FREM1: variants seen among roughly 807,000 people sequenced by gnomAD.
The protein encoded by FREM1 is FRAS1 related extracellular matrix 1, also known as FRAS1-related extracellular matrix protein 1.
Under a neutral mutation model 210.1 loss-of-function variants are expected in FREM1, and 220 were observed. The ratio of observed to expected loss-of-function variants is 1.05; its 90% CI spans 0.94 to 1.17. FREM1 has a LOEUF of 1.17. FREM1 is among the 50% of genes most tolerant of loss of function. The probability of loss-of-function intolerance (pLI) is 0.00; values close to 1 mark genes in which losing one functional copy is unlikely to be tolerated. For missense variants in FREM1, 3,454 were observed against 2,675.5 expected (o/e 1.29, Z -6.42); for synonymous variants, 1,189 against 980.2 (o/e 1.21, Z -3.98).
intron 1 of FREM1, among the ~76,000 whole-genome samples, chr9:14,897,294 T>G (rs1244424621): frequency 1.3e-5 from 2 of 152,206 alleles, no homozygotes; most frequent in Non-Finnish European, 2.9e-5. Context: ...ATAATTTGTC[T>G]AAGGCAAATT....
intron 10 of FREM1, among the ~76,000 whole-genome samples, chr9:14,829,178 G>A (rs1823072429): frequency 6.6e-6 from 1 of 152,168 alleles, no homozygotes; most frequent in African/African-American, 2.4e-5. Flanking sequence ...TGTCCTGTTT[G>A]AGATTTTAAG....
intron 13 of FREM1, 39 bp from the exon 14 acceptor site, chr9:14,819,481 TCCATGACC>T: frequency 7.6e-7 from 1 of 1,310,796 alleles, no homozygotes; most frequent in East Asian, 2.3e-5. Context: ...AAAGCCTTTT[TCCATGACC>T]CCTGAAGACA....
Position 14,805,120 on chromosome 9 carries a change from G to T in FREM1, c.3307C>A (p.His1103Asn), listed in dbSNP as rs376301776. The change falls in exon 19 of 37, where the codon CAC becomes AAC. Residue 1103 changes from histidine (H) to asparagine (N), a missense_variant. His to Asn is a moderately conservative substitution (Grantham distance 68). Transcript: ENST00000380880. Reference protein sequence around the residue: ...SFQWKDMNAFHINYVQSRHLR... With the variant: ...SFQWKDMNAFNINYVQSRHLR... The stretch of plus-strand genomic sequence containing the variant: ...TGCCTGGACTGCACATAGTTAATGT[G>T]AAAAGCGTTCATGTCTTTCCACTGA... 1 of 1,590,744 alleles carries T rather than the reference G, an allele frequency of 6.3e-7. No homozygotes were observed. The highest frequency in any genetic ancestry group is 8.6e-7 in the Non-Finnish European group (1 of 1,166,432).
At chr9:14,817,737 T>C (rs923876316) in intron 14 of FREM1, among the ~76,000 whole-genome samples, 5 of 152,202 alleles carry the variant, frequency 3.3e-5, no homozygotes, top group Non-Finnish European at 7.3e-5. Context: ...TACTGAGGAC[T>C]AGTTTCACCC....
At chr9:14,860,730 C>CAT (rs1192632335) in intron 3 of FREM1, among the ~76,000 whole-genome samples, 3 of 122,108 alleles carry the variant, frequency 2.5e-5, no homozygotes, top group African/African-American at 9.6e-5. Context: ...CATATATACA[C>CAT]ATATATACAC....
chr9:14,773,849 A>G (rs1199105373), intron 25 of FREM1, among the ~76,000 whole-genome samples: 2 of 152,048 alleles, frequency 1.3e-5, no homozygotes, highest in Non-Finnish European at 2.9e-5. Flanking sequence ...GAACTCTAAC[A>G]TCTGCACTCA....
intron 28 of FREM1, among the ~76,000 whole-genome samples, chr9:14,758,314 T>C (rs933828636): frequency 6.6e-6 from 1 of 152,180 alleles, no homozygotes; most frequent in Admixed American, 6.5e-5. Flanking sequence ...CTCTTCTTTC[T>C]ACCTGGCAAG....
chr9:14,850,790 C>A (rs1006377936), intron 6 of FREM1, among the ~76,000 whole-genome samples: 4 of 152,204 alleles, frequency 2.6e-5, no homozygotes, highest in African/African-American at 9.7e-5. Context: ...TCAATGGTCT[C>A]TGTGATTCAG....
intron 27 of FREM1, among the ~76,000 whole-genome samples, chr9:14,767,568 C>G (rs1563873241): frequency 6.6e-6 from 1 of 152,118 alleles, no homozygotes; most frequent in African/African-American, 2.4e-5. Flanking sequence ...TGAAATAGAG[C>G]AAACACCAAT....
At chr9:14,820,411 C>T (rs1821075200) in intron 13 of FREM1, among the ~76,000 whole-genome samples, 1 of 152,136 alleles carries the variant, frequency 6.6e-6, no homozygotes, top group African/African-American at 2.4e-5. Flanking sequence ...TGCAGCAGTT[C>T]TCCTAGGAAG....
intron 12 of FREM1, 34 bp downstream of exon 12, chr9:14,823,991 T>C (rs1434613692): frequency 7.3e-7 from 1 of 1,365,774 alleles, no homozygotes; most frequent in Non-Finnish European, 1.0e-6. Flanking sequence ...CACACTTGCA[T>C]CATGTTTGTC....
chr9:14,739,463 T>C lies in FREM1; in HGVS notation c.6340+686A>G, dbSNP rs1841054420. Among the ~76,000 whole-genome samples the C allele has an allele frequency of 2.0e-4, 28 of 138,324 alleles. 1 individual carries two copies. The South Asian group carries it at 5.9e-3, about 29-fold the overall frequency. 90.7% of individuals were successfully genotyped at this position (138,324 alleles called of 152,430 possible). On this transcript the variant is annotated intron_variant, in intron 36 of 36. Transcript: ENST00000380880. ...TAATTATTTGGAATATATATATATA[T>C]ATATATATATATAATTCATATATAT...
intron 2 of FREM1, among the ~76,000 whole-genome samples, chr9:14,866,438 C>T (rs1163807439): frequency 3.9e-5 from 6 of 152,142 alleles, no homozygotes; most frequent in Non-Finnish European, 5.9e-5. Context: ...GGTAAGGAGT[C>T]ATAGGCCATT....
chr9:14,889,192 A>G (rs777195578), intron 1 of FREM1, among the ~76,000 whole-genome samples: 1 of 152,148 alleles, frequency 6.6e-6, no homozygotes, highest in Non-Finnish European at 1.5e-5. Flanking sequence ...TGATTTCCAG[A>G]TGTGGAATTG....
At chr9:14,833,467 G>A (rs547026488) in intron 10 of FREM1, among the ~76,000 whole-genome samples, 5 of 152,228 alleles carry the variant, frequency 3.3e-5, no homozygotes, top group East Asian at 1.9e-4. Flanking sequence ...TGTTTGGGTC[G>A]GATCTCTTTC....
chr9:14,810,527 C>T (rs1819209460), intron 16 of FREM1, among the ~76,000 whole-genome samples: 1 of 152,172 alleles, frequency 6.6e-6, no homozygotes, highest in African/African-American at 2.4e-5. Context: ...TCTTGGCTTA[C>T]TCTAGGTTCC....
chr9:14,757,450 G>T (rs1303425681), intron 28 of FREM1, among the ~76,000 whole-genome samples: 3 of 152,194 alleles, frequency 2.0e-5, no homozygotes, highest in African/African-American at 7.2e-5. Flanking sequence ...ACCTCCTGGG[G>T]AGGCTGAGGC....
At chr9:14,898,452 T>G (rs1564196429) in intron 1 of FREM1, among the ~76,000 whole-genome samples, 1 of 152,142 alleles carries the variant, frequency 6.6e-6, no homozygotes, top group African/African-American at 2.4e-5. Context: ...TCAGAACCCA[T>G]AGAATGCAGC....
chr9:14,808,900 C>G (rs1468910438), intron 16 of FREM1, among the ~76,000 whole-genome samples: 1 of 152,138 alleles, frequency 6.6e-6, no homozygotes, highest in Non-Finnish European at 1.5e-5. Flanking sequence ...TGCTTGCTAT[C>G]CAGGACACAG....
Sources: allele counts gnomAD v4.1 joint callset (sites outside exome capture counted in the v4.1 genomes callset), GRCh38; gene constraint gnomAD v4.1.1; transcripts MANE v1.5; gene names NCBI Gene and HGNC (gene_info 2026-07-23, HGNC 2026-07-21).